Variants in RNF139 observed in about 807,000 individuals in gnomAD.
RNF139 encodes the protein ring finger protein 139.
In RNF139, 15 loss-of-function variants were observed where a neutral mutation model predicts 49.5. The ratio of observed to expected loss-of-function variants is 0.30; its 90% CI spans 0.20 to 0.47. The LOEUF is 0.47. Among genes scored for constraint, RNF139 ranks in the 20% least tolerant of loss-of-function variants. The pLI is 1.00. For missense variants in RNF139, 619 were observed against 806.3 expected, an observed-to-expected ratio of 0.77 and a Z score of 2.81; for synonymous variants, 325 against 300.9, an observed-to-expected ratio of 1.08 and a Z score of -0.83.
chr8:124,487,929 G>A lies in RNF139; in HGVS notation c.*285G>A, dbSNP rs1405615952. 6.7e-6 allele frequency: 2 copies of A among 297,422 alleles called. No individual in the cohort carries two copies. The highest frequency in any genetic ancestry group is 6.0e-5 in the East Asian group (1 of 16,684). The allele number at this position is 297,422 out of a possible 1,614,324, so 18.4% of individuals were successfully genotyped here. ...TTGAACAAATAGCTTTTTAATAGAT[G>A]TAATGATCATATGGTGCGTCACCTG... On this transcript the variant is annotated 3_prime_UTR_variant, in exon 2 of 2. Transcript: ENST00000303545.
In RNF139 at chr8:124,475,006, C is replaced by T. The variant is rs983564091; in HGVS notation, c.-104C>T. 3.1e-6 allele frequency: 2 copies of T among 650,262 alleles called. No individual in the cohort carries two copies. The highest frequency in any genetic ancestry group is 3.8e-5 in the African/African-American group (2 of 52,262). 40.3% of individuals were successfully genotyped at this position (650,262 alleles called of 1,614,324 possible). On this transcript the variant is annotated 5_prime_UTR_variant, in exon 1 of 2. Coordinates refer to ENST00000303545, the MANE Select transcript of RNF139 (RefSeq NM_007218.4). ...GAGAGAGACAGGAGAGGAAGGAGGG[C>T]AGGGGCGGAGTTGCCCGCCTTAGCC...
At chr8:124,479,208 A>G (rs1816364915) in intron 1 of RNF139, among the ~76,000 whole-genome samples, 1 of 152,168 alleles carries the variant, frequency 6.6e-6, no homozygotes, top group Admixed American at 6.5e-5. Context: ...CTCCTGCCTC[A>G]GCCTCCCAAG....
chr8:124,480,903 G>T (rs1368999899), intron 1 of RNF139, among the ~76,000 whole-genome samples: 1 of 152,112 alleles, frequency 6.6e-6, no homozygotes, highest in Non-Finnish European at 1.5e-5. Context: ...ATGGGACAAA[G>T]ACCAAATATT....
chr8:124,486,909 G>A lies in RNF139; in HGVS notation c.1260G>A (p.Leu420=), dbSNP rs748999733. ...ATCACTATGCACTAAATACATGGTT[G>A]TTTGCAGTTACAGCATTTTGTGTGG... The part of the protein sequence containing the change: ...LWHHYALNTW[L]FAVTAFCVEL... The change falls in exon 2 of 2, where the codon TTG becomes TTA. Residue 420 remains leucine (L), a synonymous_variant. Coordinates refer to ENST00000303545, the MANE Select transcript of RNF139 (RefSeq NM_007218.4). The A allele has an allele frequency of 8.1e-6, 13 of 1,613,962 alleles. No homozygotes were observed. Among genetic ancestry groups the A allele is most frequent in the Non-Finnish European group, 1.1e-5 (13 of 1,179,996 alleles).
At chr8:124,481,113 T>TC (rs1816400352) in intron 1 of RNF139, among the ~76,000 whole-genome samples, 1 of 152,214 alleles carries the variant, frequency 6.6e-6, no homozygotes, top group African/African-American at 2.4e-5. Flanking sequence ...AGGTTTTTTT[T>TC]CAACCTAAAA....
At chr8:124,479,784 A>G (rs1336886382) in intron 1 of RNF139, among the ~76,000 whole-genome samples, 1 of 152,174 alleles carries the variant, frequency 6.6e-6, no homozygotes, top group Non-Finnish European at 1.5e-5. Context: ...ACACCAATGT[A>G]TATATAGAAA....
At chr8:124,484,353 A>T (rs1461735046) in intron 1 of RNF139, among the ~76,000 whole-genome samples, 1 of 152,178 alleles carries the variant, frequency 6.6e-6, no homozygotes, top group African/African-American at 2.4e-5. Flanking sequence ...GAATGAAGAA[A>T]GGCAATTTGG....
intron 1 of RNF139, among the ~76,000 whole-genome samples, chr8:124,477,868 CA>C (rs1295618059): frequency 1.4e-4 from 22 of 152,110 alleles, no homozygotes; most frequent in African/African-American, 3.4e-4. Flanking sequence ...AGGCTTTAAA[CA>C]TAACAGAAGA....
intron 1 of RNF139, among the ~76,000 whole-genome samples, chr8:124,482,824 G>T (rs751307057): frequency 1.7e-4 from 25 of 148,818 alleles, no homozygotes; most frequent in Non-Finnish European, 3.0e-4. Flanking sequence ...TTCTTGGGAG[G>T]CTGAAGCAGA....
intron 1 of RNF139, among the ~76,000 whole-genome samples, chr8:124,477,297 G>A (rs1482562218): frequency 6.6e-6 from 1 of 152,108 alleles, no homozygotes; most frequent in Non-Finnish European, 1.5e-5. Context: ...AGGATGATAA[G>A]AATGAAAAAA....
Position 124,485,810 on chromosome 8 carries a change from CTT to C in RNF139, c.182-17_182-16del. On this transcript the variant is annotated intron_variant, in intron 1 of 1. Coordinates refer to ENST00000303545, the MANE Select transcript of RNF139 (RefSeq NM_007218.4). ...TCTTACAAATACTTCATTCAAATGA[CTT>C]TTTCTTTCTTTCTTTTAGGTGTATT... 6.5e-7 allele frequency: 1 copy of C among 1,546,156 alleles called. No individual in the cohort carries two copies. Among genetic ancestry groups the C allele is most frequent in the East Asian group, 2.3e-5 (1 of 43,980 alleles).
rs1440050727 is a variant in RNF139 at position 124,487,464 on chromosome 8, T to C, written c.1815T>C (p.Asn605=). 1 of 1,613,968 alleles carries C rather than the reference T, an allele frequency of 6.2e-7. No homozygotes were observed. Among genetic ancestry groups the C allele is most frequent in the African/African-American group, 1.3e-5 (1 of 74,914 alleles). The change falls in exon 2 of 2, where the codon AAT becomes AAC. Residue 605 remains asparagine, a synonymous_variant. Coordinates refer to ENST00000303545, the MANE Select transcript of RNF139 (RefSeq NM_007218.4). The stretch of plus-strand genomic sequence containing the variant: ...ATAATTCAAATGTATCTAACAACAA[T>C]GGATTTATTCCACCCAATGAAACTC... The part of the protein sequence containing the change: ...IKDNSNVSNN[N]GFIPPNETPE...
chr8:124,488,526 T>A lies in RNF139; in HGVS notation c.*882T>A, dbSNP rs1166252123. On this transcript the variant is annotated 3_prime_UTR_variant, in exon 2 of 2. Coordinates refer to ENST00000303545, the MANE Select transcript of RNF139 (RefSeq NM_007218.4). ...AGACAACTTGCAGATAATTTCTTTA[T>A]TGAAACTATCAGGAAGTTTTACTAT... is the stretch of plus-strand genomic sequence containing the variant. 5.0e-6 allele frequency: 4 copies of A among 793,838 alleles called. No individual in the cohort carries two copies. In the African/African-American group the frequency reaches 7.0e-5, roughly 14 times the overall value. 49.2% of individuals were successfully genotyped at this position (793,838 alleles called of 1,614,324 possible). A position where few individuals can be genotyped will look rare whatever the true frequency, so the allele number is the denominator to read the frequency against.
At chr8:124,484,669 T>A (rs937013947) in intron 1 of RNF139, among the ~76,000 whole-genome samples, 2 of 152,178 alleles carry the variant, frequency 1.3e-5, no homozygotes, top group Admixed American at 6.5e-5. Flanking sequence ...TGTTGAAACC[T>A]TGGATAATAA....
At chr8:124,482,947 TATATATATATAATATATATATA>T (rs1563630989) in intron 1 of RNF139, among the ~76,000 whole-genome samples, 3 of 98,368 alleles carry the variant, frequency 3.0e-5, no homozygotes, top group African/African-American at 1.1e-4. Context: ...AAAAAAAATA[TATATATATATAATATATATATA>T]TTATTTAAAT....
At chr8:124,484,956 CAG>C (rs1443619493) in intron 1 of RNF139, among the ~76,000 whole-genome samples, 2 of 151,984 alleles carry the variant, frequency 1.3e-5, no homozygotes, top group Non-Finnish European at 2.9e-5. Context: ...GGAGAATGCT[CAG>C]AGTTAAGGAG....
In RNF139 at chr8:124,474,904, C is replaced by T; in HGVS notation, c.-206C>T. 1 of 331,088 alleles carries T rather than the reference C, an allele frequency of 3.0e-6. No individual in the cohort carries two copies. The allele number at this position is 331,088 out of a possible 1,614,324, so 20.5% of individuals were successfully genotyped here. A position where few individuals can be genotyped will look rare whatever the true frequency, so the allele number is the denominator to read the frequency against. On this transcript the variant is annotated 5_prime_UTR_variant, in exon 1 of 2. Coordinates refer to ENST00000303545, the MANE Select transcript of RNF139 (RefSeq NM_007218.4). The surrounding 1 kb of genome is among the most constrained non-coding windows in gnomAD (Gnocchi z 4.6). ...CAGAGACCTCCTGGGGAGCCGCCGC[C>T]GCCGCCCTCTCGGCCATCGCTGCCT... is the stretch of plus-strand genomic sequence containing the variant.
rs955661293 is a variant in RNF139, at chr8:124,486,424, A to G, written c.775A>G (p.Met259Val). Residue 259 changes from methionine (M) to valine (V), a missense_variant, in exon 2 of 2, where the codon ATG (methionine) becomes GTG (valine). By Grantham distance (21) the Met-to-Val change is conservative (BLOSUM62 1). Transcript: ENST00000303545. ...QATVLMYILR[M>V]ANETDSFFIS... ...TACAGTGTTAATGTACATCTTAAGG[A>G]TGGCAAATGAAACTGATTCCTTCTT... The G allele has an allele frequency of 1.2e-6, 2 of 1,614,078 alleles. No homozygotes were observed. Among genetic ancestry groups the G allele is most frequent in the African/African-American group, 2.7e-5 (2 of 74,936 alleles).
At chr8:124,477,039 AGAGT>A (rs1268231679) in intron 1 of RNF139, among the ~76,000 whole-genome samples, 2 of 152,208 alleles carry the variant, frequency 1.3e-5, no homozygotes, top group African/African-American at 4.8e-5. Flanking sequence ...TAAAAGATGG[AGAGT>A]GAGGTTATCT....
Sources: allele counts gnomAD v4.1 joint callset (sites outside exome capture counted in the v4.1 genomes callset), GRCh38; gene constraint gnomAD v4.1.1; non-coding constraint Gnocchi (gnomAD v3.1); transcripts MANE v1.5; gene names NCBI Gene and HGNC (gene_info 2026-07-23, HGNC 2026-07-21).